AGK: variants seen among roughly 807,000 people sequenced by gnomAD.
AGK encodes acylglycerol kinase, mitochondrial.
In AGK, 52 loss-of-function variants were observed where a neutral mutation model predicts 66.4. The observed-to-expected ratio is 0.78, with a 90% CI of 0.63 to 0.99. The LOEUF (loss-of-function observed/expected upper bound fraction) is 0.99, where lower values mean the gene tolerates loss of function less well. Ranked by LOEUF, AGK falls within the 50% of genes least tolerant of loss-of-function variation. AGK has a pLI of 0.00. For synonymous variants in AGK, 182 were observed against 181.1 expected, an observed-to-expected ratio of 1.00 and a Z score of -0.04; for missense variants, 451 against 506.6, an observed-to-expected ratio of 0.89 and a Z score of 1.05.
At chr7:141,631,488 C>T (rs1797055291) in intron 9 of AGK, among the ~76,000 whole-genome samples, 1 of 152,186 alleles carries the variant, frequency 6.6e-6, no homozygotes, top group Non-Finnish European at 1.5e-5. Context: ...ATAAAATCAT[C>T]ACTTATTACA....
At chr7:141,611,333 T>C (rs1796585094) in intron 6 of AGK, 46 bp downstream of exon 6, 1 of 1,419,536 alleles carries the variant, frequency 7.0e-7, no homozygotes. Flanking sequence ...GTGAGAAAAA[T>C]GGAAATTAAA....
intron 2 of AGK, among the ~76,000 whole-genome samples, chr7:141,581,716 A>G (rs1468706752): frequency 6.6e-6 from 1 of 151,792 alleles, no homozygotes; most frequent in East Asian, 1.9e-4. Context: ...GAGGCTTTGA[A>G]CTGGGGAAAA....
intron 2 of AGK, among the ~76,000 whole-genome samples, chr7:141,589,464 TTTC>T (rs1412719383): frequency 1.3e-5 from 2 of 152,226 alleles, no homozygotes; most frequent in Non-Finnish European, 2.9e-5. Flanking sequence ...AGAAATCTTT[TTTC>T]TTTGAGGATG....
In AGK at chr7:141,615,460, T is replaced by C. The variant is rs200973491; in HGVS notation, c.424-11T>C. ...ATAACAATAAAACTTTCCTCTTCTT[T>C]CCCCCCCCAGGCTACCTTCAGTAAG... On this transcript the variant is annotated splice_polypyrimidine_tract_variant and intron_variant, in intron 7 of 15. Coordinates refer to ENST00000649286, the MANE Select transcript of AGK (RefSeq NM_018238.4). 982 of 1,600,718 alleles carry C rather than the reference T, an allele frequency of 6.1e-4. 1 individual carries two copies. The highest frequency in any genetic ancestry group is 6.8e-4 in the Non-Finnish European group (790 of 1,169,596).
At chr7:141,615,708 CTT>C in intron 8 of AGK, 143 bp downstream of exon 8, 1 of 683,576 alleles carries the variant, frequency 1.5e-6, no homozygotes. Context: ...AGAGTTCAGC[CTT>C]TCAGTTCATT....
Position 141,653,157 on chromosome 7 carries a change from A to C in AGK, c.*233A>C. On this transcript the variant is annotated 3_prime_UTR_variant, in exon 16 of 16. Coordinates refer to ENST00000649286, the MANE Select transcript of AGK (RefSeq NM_018238.4). The stretch of plus-strand genomic sequence containing the variant: ...TTTTGGTGTGACGGTTGGCCCTCCT[A>C]AACACGGACTTTCCTCAGGCTGGTT... 2.0e-6 allele frequency: 1 copy of C among 490,142 alleles called. No individual in the cohort carries two copies. Among genetic ancestry groups the C allele is most frequent in the Non-Finnish European group, 3.7e-6 (1 of 271,540 alleles). 30.4% of individuals were successfully genotyped at this position (490,142 alleles called of 1,614,324 possible).
chr7:141,594,865 C>G (rs989631913), intron 3 of AGK, among the ~76,000 whole-genome samples: 6 of 151,746 alleles, frequency 4.0e-5, no homozygotes, highest in African/African-American at 1.5e-4. Context: ...GTTGGTCAGG[C>G]TGGTCTCGAA....
At chr7:141,646,003 A>T (rs897021342) in intron 13 of AGK, among the ~76,000 whole-genome samples, 1 of 152,156 alleles carries the variant, frequency 6.6e-6, no homozygotes, top group Admixed American at 6.5e-5. Flanking sequence ...GAGAGCAAGA[A>T]GTTGAACACA....
At chr7:141,606,593 A>G (rs965395323) in intron 5 of AGK, among the ~76,000 whole-genome samples, 4 of 152,152 alleles carry the variant, frequency 2.6e-5, no homozygotes, top group Non-Finnish European at 4.4e-5. Context: ...TATTATTAAC[A>G]TCTTGCGTTA....
chr7:141,571,331 C>G (rs1169530075), intron 2 of AGK, among the ~76,000 whole-genome samples: 3 of 152,176 alleles, frequency 2.0e-5, no homozygotes, highest in African/African-American at 7.2e-5. Flanking sequence ...GGTCCCGCAG[C>G]ATAAGCATCT....
chr7:141,580,803 C>T (rs1028644457), intron 2 of AGK, among the ~76,000 whole-genome samples: 2 of 151,970 alleles, frequency 1.3e-5, no homozygotes, highest in African/African-American at 2.4e-5. Flanking sequence ...ATTTCGACCG[C>T]ACAGCCCTGC....
chr7:141,614,068 AT>A, intron 6 of AGK, 77 bp from the exon 7 acceptor site: 1 of 1,089,212 alleles, frequency 9.2e-7, no homozygotes, highest in Non-Finnish European at 1.4e-6. Flanking sequence ...TTTATGGTCT[AT>A]GAAAATTGAA....
intron 2 of AGK, among the ~76,000 whole-genome samples, chr7:141,560,994 C>T (rs571105866): frequency 6.6e-6 from 1 of 152,152 alleles, no homozygotes; most frequent in East Asian, 1.9e-4. Flanking sequence ...GGGGTTTCAT[C>T]GTGTTAGCCA....
intron 4 of AGK, among the ~76,000 whole-genome samples, chr7:141,597,910 A>G (rs1796261913): frequency 6.7e-6 from 1 of 149,918 alleles, no homozygotes. Flanking sequence ...AAAAAAAAAA[A>G]AAAAAAAAAG....
intron 11 of AGK, among the ~76,000 whole-genome samples, chr7:141,640,026 C>T (rs566470624): frequency 6.6e-6 from 1 of 152,110 alleles, no homozygotes. Flanking sequence ...GAGTAGAATC[C>T]TCAATGTGAT....
chr7:141,566,747 C>T (rs1000186258), intron 2 of AGK, among the ~76,000 whole-genome samples: 6 of 152,160 alleles, frequency 3.9e-5, no homozygotes, highest in Non-Finnish European at 8.8e-5. Context: ...GACTCTCATC[C>T]CATTGTTTCA....
intron 11 of AGK, 35 bp from the exon 12 acceptor site, chr7:141,641,213 T>A: frequency 6.3e-7 from 1 of 1,593,122 alleles, no homozygotes; most frequent in South Asian, 1.1e-5. Flanking sequence ...GAATTGTACA[T>A]GCATAACAAA....
intron 5 of AGK, among the ~76,000 whole-genome samples, chr7:141,604,374 G>GTGTATATA (rs1554400830): frequency 1.6e-3 from 183 of 113,794 alleles, no homozygotes; most frequent in African/African-American, 3.7e-3. Context: ...GTGTGTGTGT[G>GTGTATATA]TATATATATA....
chr7:141,601,836 T>C (rs1238690090), intron 5 of AGK, among the ~76,000 whole-genome samples: 1 of 152,190 alleles, frequency 6.6e-6, no homozygotes, highest in Non-Finnish European at 1.5e-5. Context: ...CATGTGTATA[T>C]AGTGAAAACC....
Sources: gnomAD v4.1 joint callset for allele counts (sites outside exome capture counted in the v4.1 genomes callset) on GRCh38, gnomAD v4.1.1 for gene constraint, MANE v1.5 for transcripts, NCBI Gene and HGNC (gene_info 2026-07-23, HGNC 2026-07-21) for gene names.